The following ARHGAP9 variants were observed in gnomAD, a reference collection of about 807,000 sequenced individuals.
ARHGAP9 encodes rho GTPase-activating protein 9.
Under a neutral mutation model 87.3 loss-of-function variants are expected in ARHGAP9, and 76 were observed. That is an observed-to-expected ratio of 0.87 (90% confidence interval 0.72 to 1.05). The LOEUF is 1.05. Among genes scored for constraint, ARHGAP9 ranks in the 50% least tolerant of loss-of-function variants. The pLI is 0.00. For missense variants in ARHGAP9, 941 were observed against 960.5 expected (o/e 0.98, Z 0.27); for synonymous variants, 382 against 394.9 (o/e 0.97, Z 0.39).
At position 57,476,153 on chromosome 12, in the gene ARHGAP9, C is replaced by G. The variant is rs1252634510; in HGVS notation, c.1130G>C (p.Ser377Thr). 6.5e-7 allele frequency: 1 copy of G among 1,542,124 alleles called. No homozygotes were observed. Among genetic ancestry groups the G allele is most frequent in the Admixed American group, 2.0e-5 (1 of 49,794 alleles). Residue 377 changes from serine to threonine, a missense_variant, in exon 9 of 18, where the codon AGC becomes ACC. Coordinates refer to ENST00000393791, the MANE Select transcript of ARHGAP9 (RefSeq NM_032496.4). ...CAGGTCCACGCTACTTTCGGGCCGG[C>G]TACCCGCTGGTCCCTGACAATGAGG... ...APSSGWGPAG[S>T]RPESSVDLRG...
At chr12:57,473,568 C>A in intron 17 of ARHGAP9, 35 bp downstream of exon 17, 1 of 1,579,790 alleles carries the variant, frequency 6.3e-7, no homozygotes, top group Admixed American at 1.7e-5. Flanking sequence ...CTCCACCTTT[C>A]CCCAGCATGA....
At chr12:57,474,599 C>G in intron 14 of ARHGAP9, 27 bp downstream of exon 14, 1 of 1,614,084 alleles carries the variant, frequency 6.2e-7, no homozygotes, top group Non-Finnish European at 8.5e-7. Flanking sequence ...ATTCTTAGTA[C>G]AACCACTGGC....
rs752254455 is a variant in ARHGAP9 at position 57,474,436 on chromosome 12, T to C, written c.1770A>G (p.Glu590=). ...CCATGTAAGTACCTTGTCCTGGCTG[T>C]TCTGGGAACACATACCTCCCATCGG... ...VTSDGRYVFP[E]QPGQEGRLDL... The change falls in exon 15 of 18, where the codon GAA becomes GAG. Residue 590 remains glutamate, a synonymous_variant. Transcript: ENST00000393791. 1.2e-6 allele frequency: 2 copies of C among 1,614,172 alleles called. No homozygotes were observed. Among genetic ancestry groups the C allele is most frequent in the South Asian group, 2.2e-5 (2 of 91,082 alleles).
chr12:57,484,050 A>T (rs1458002575), upstream of ARHGAP9: 47 of 271,398 alleles, frequency 1.7e-4, no homozygotes, highest in Middle Eastern at 1.5e-3. Flanking sequence ...CAAAAAAAAA[A>T]AAAAAAAAAA....
Position 57,473,696 on chromosome 12 carries a change from G to A in ARHGAP9, c.1931C>T (p.Ser644Leu), listed in dbSNP as rs1046773552. Residue 644 changes from serine to leucine, a missense_variant, in exon 17 of 18, where the codon TCA becomes TTA. Transcript: ENST00000393791. ...HFRAALALSE[S>L]EQCLSQIQEL... The stretch of plus-strand genomic sequence containing the variant: ...TTGTATCTGAGAGAGGCACTGCTCT[G>A]ATTCGGAGAGTGCTAGAGAGAGTGA... 5.6e-6 allele frequency: 9 copies of A among 1,613,774 alleles called. No homozygotes were observed. Among genetic ancestry groups the A allele is most frequent in the African/African-American group, 2.7e-5 (2 of 74,930 alleles).
chr12:57,475,757 T>C, intron 10 of ARHGAP9, 76 bp downstream of exon 10: 2 of 1,568,786 alleles, frequency 1.3e-6, no homozygotes, highest in East Asian at 2.3e-5. Flanking sequence ...CAACTGCTCC[T>C]GACTCCTATC....
At chr12:57,475,089 T>C in intron 12 of ARHGAP9, 116 bp from the exon 13 acceptor site, 1 of 1,222,616 alleles carries the variant, frequency 8.2e-7, no homozygotes. Flanking sequence ...GTGCCAGGCC[T>C]GGGCAAGGAA....
At chr12:57,484,811 A>C (rs1875277978), upstream of ARHGAP9, among the ~76,000 whole-genome samples, 1 of 150,632 alleles carries the variant, frequency 6.6e-6, no homozygotes, top group African/African-American at 2.4e-5. Flanking sequence ...TGCCCAGCTA[A>C]TTTTTGTATT....
rs200364641 is a variant in ARHGAP9, at chr12:57,476,344, C to A, written c.1116+20G>T. 1.9e-6 allele frequency: 3 copies of A among 1,611,784 alleles called. No individual in the cohort carries two copies. The highest frequency in any genetic ancestry group is 2.7e-5 in the African/African-American group (2 of 74,992). On this transcript the variant is annotated intron_variant, in intron 8 of 17. Transcript: ENST00000393791. ...GTAGGCAGCGCCCGCACCCATCCTGCGCCTCTCGCTCACACTCACCCAGCC... is the reference window on the plus strand; with the variant it reads ...GTAGGCAGCGCCCGCACCCATCCTGAGCCTCTCGCTCACACTCACCCAGCC...
chr12:57,476,788 A>G, intron 6 of ARHGAP9, 83 bp downstream of exon 6: 1 of 1,153,786 alleles, frequency 8.7e-7, no homozygotes, highest in Non-Finnish European at 1.2e-6. Context: ...ATTCAGAAAG[A>G]GGAAGATGTT....
At chr12:57,479,619 G>A in intron 1 of ARHGAP9, 111 bp downstream of exon 1, 4 of 1,544,502 alleles carry the variant, frequency 2.6e-6, no homozygotes, top group African/African-American at 1.4e-5. Flanking sequence ...GTGGTGTCTG[G>A]TGAGGAAGTA....
rs1166019209 is a variant in ARHGAP9, at chr12:57,479,844, C to T, written c.-133G>A. The T allele has an allele frequency of 6.7e-7, 1 of 1,493,964 alleles. No individual in the cohort carries two copies. Among genetic ancestry groups the T allele is most frequent in the Non-Finnish European group, 8.9e-7 (1 of 1,120,502 alleles). 92.5% of individuals were successfully genotyped at this position (1,493,964 alleles called of 1,614,324 possible). ...GAAAGAATCAGGTTCAAGACAGAAA[C>T]AGGGAGACACAAGGTTAATGACAAA... On this transcript the variant is annotated 5_prime_UTR_variant, in exon 1 of 18. Coordinates refer to ENST00000393791, the MANE Select transcript of ARHGAP9 (RefSeq NM_032496.4).
chr12:57,474,658 A>G lies in ARHGAP9; in HGVS notation c.1697T>C (p.Val566Ala). The change falls in exon 14 of 18, where the codon GTG becomes GCG. Residue 566 changes from valine (V) to alanine (A), a missense_variant. Transcript: ENST00000393791. ...CACCAGAAAGCGAAGCTTCTGGACC[A>G]CTGCCAAGTTCCCGCTCACCCGATA... ...GIYRVSGNLA[V>A]VQKLRFLVDR... 1.2e-6 allele frequency: 2 copies of G among 1,614,204 alleles called. No individual in the cohort carries two copies. Among genetic ancestry groups the G allele is most frequent in the South Asian group, 2.2e-5 (2 of 91,086 alleles).
intron 14 of ARHGAP9, 39 bp from the exon 15 acceptor site, chr12:57,474,515 A>G: frequency 6.2e-7 from 1 of 1,613,970 alleles, no homozygotes; most frequent in African/African-American, 1.3e-5. Context: ...GCTAAGACAT[A>G]CACTTCCAGC....
chr12:57,477,346 G>T, intron 4 of ARHGAP9, 77 bp from the exon 5 acceptor site: 1 of 1,513,516 alleles, frequency 6.6e-7, no homozygotes. Context: ...CTTATACTTG[G>T]CTGATTCTTC....
At position 57,477,250 on chromosome 12, in the gene ARHGAP9, C is replaced by T. The variant is rs1874105094; in HGVS notation, c.776G>A (p.Gly259Glu). ...ATTGTTCCTCTTCAGGGTCTGTGTC[C>T]CCTCCATGGAGCCAGGGTTCTGGGT... is the stretch of plus-strand genomic sequence containing the variant. ...RSETNPGSMEGTQTLKRNNDV... is the reference protein window; with the variant it reads ...RSETNPGSMEETQTLKRNNDV... The change falls in exon 5 of 18, where the codon GGG (glycine) becomes GAG (glutamate). Residue 259 changes from glycine (G) to glutamate (E), a missense_variant. Transcript: ENST00000393791. 2 of 1,576,426 alleles carry T rather than the reference C, an allele frequency of 1.3e-6. No homozygotes were observed. The highest frequency in any genetic ancestry group is 2.7e-5 in the African/African-American group (2 of 73,660).
At chr12:57,473,766 A>C (rs533985342) in intron 16 of ARHGAP9, 58 bp from the exon 17 acceptor site, 12 of 1,459,420 alleles carry the variant, frequency 8.2e-6, no homozygotes, top group Non-Finnish European at 1.2e-5. Flanking sequence ...CTAGGACAGG[A>C]TGGGTAAATG....
At chr12:57,473,779 C>A (rs149704061) in intron 16 of ARHGAP9, 71 bp from the exon 17 acceptor site, 789 of 1,371,926 alleles carry the variant, frequency 5.8e-4, no homozygotes, top group Non-Finnish European at 8.0e-4. Context: ...GGTAAATGCA[C>A]TGCTCTTTCC....
intron 3 of ARHGAP9, chr12:57,478,049 G>C: frequency 1.1e-6 from 1 of 909,418 alleles, no homozygotes; most frequent in Non-Finnish European, 1.4e-6. Flanking sequence ...CTACAGAAGG[G>C]AAGAGGAGCC....
Sources: allele counts gnomAD v4.1 joint callset (sites outside exome capture counted in the v4.1 genomes callset), GRCh38; gene constraint gnomAD v4.1.1; transcripts MANE v1.5; gene names NCBI Gene and HGNC (gene_info 2026-07-23, HGNC 2026-07-21).